Variants in TROAP observed in about 807,000 individuals in gnomAD.
The protein encoded by TROAP is trophinin associated protein.
Under a neutral mutation model 83.4 loss-of-function variants are expected in TROAP, and 62 were observed. The ratio of observed to expected loss-of-function variants is 0.74; its 90% confidence interval spans 0.61 to 0.92. TROAP has a LOEUF of 0.92. Ranked by LOEUF, TROAP falls within the 40% of genes least tolerant of loss-of-function variation. The probability of loss-of-function intolerance (pLI) is 0.00; values close to 1 mark genes in which losing one functional copy is unlikely to be tolerated. For synonymous variants in TROAP, 352 were observed against 386.4 expected, an observed-to-expected ratio of 0.91 and a Z score of 1.04; for missense variants, 876 against 985.1, an observed-to-expected ratio of 0.89 and a Z score of 1.48.
chr12:49,331,255 C>A lies in TROAP; in HGVS notation c.2140C>A (p.Arg714Ser). ...CCCTCGAACCCTAGCCCTGAGGGAG[C>A]GCCTCAAATCGTGTTTAACCGCCAT... ...LAPRTLALRE[R>S]LKSCLTAIHC... The change falls in exon 14 of 15, where the codon CGC becomes AGC. Residue 714 changes from arginine (R) to serine (S), a missense_variant. By Grantham distance (110) the Arg-to-Ser change is moderately radical. Around this residue, in one of 3 missense-constraint regions of TROAP, gnomAD observed 184 missense variants for 238.3 expected, o/e 0.77. Coordinates refer to ENST00000257909, the MANE Select transcript of TROAP (RefSeq NM_005480.4). 5.6e-6 allele frequency: 9 copies of A among 1,614,196 alleles called. No individual in the cohort carries two copies. The highest frequency in any genetic ancestry group is 7.6e-6 in the Non-Finnish European group (9 of 1,180,008).
In TROAP at chr12:49,330,691, C is replaced by T. The variant is rs779070151; in HGVS notation, c.1846C>T (p.Pro616Ser). The change falls in exon 13 of 15, where the codon CCA becomes TCA. Residue 616 changes from proline (P) to serine (S), a missense_variant. Pro to Ser is a moderately conservative substitution (Grantham distance 74). Transcript: ENST00000257909. ...EQLEVPEPCP[P>S]AEPGPLQPST... is the part of the protein sequence containing the mutation. ...GCTTGAGGTACCTGAGCCCTGCCCT[C>T]CAGCAGAACCCGGGCCCCTTCAGCC... is the stretch of plus-strand genomic sequence containing the variant. The T allele has an allele frequency of 1.9e-6, 3 of 1,614,104 alleles. No individual in the cohort carries two copies. Among genetic ancestry groups the T allele is most frequent in the Non-Finnish European group, 2.5e-6 (3 of 1,179,996 alleles).
chr12:49,330,146 G>A lies in TROAP; in HGVS notation c.1301G>A (p.Arg434His), dbSNP rs779624078. ...TPSLQEVKIQ[R>H]IGILQQLLRQ... ...CTGGGGTGCTCTCTCCCACCACAGC[G>A]CATCGGTATCCTGCAACAGCTGTTG... The change falls in exon 13 of 15, where the codon CGC becomes CAC. Residue 434 changes from arginine to histidine, a missense_variant and splice_region_variant. Physicochemically the swap from Arg to His is conservative, Grantham distance 29. Around this residue, in one of 3 missense-constraint regions of TROAP, gnomAD observed 689 missense variants for 722.6 expected, o/e 0.95. Transcript: ENST00000257909. The A allele has an allele frequency of 2.0e-5, 32 of 1,613,288 alleles. No homozygotes were observed. Among genetic ancestry groups the A allele is most frequent in the East Asian group, 4.5e-5 (2 of 44,894 alleles).
intron 7 of TROAP, among the ~76,000 whole-genome samples, 176 bp downstream of exon 7, chr12:49,326,896 T>G (rs1369434169): frequency 6.6e-6 from 1 of 152,176 alleles, no homozygotes; most frequent in Non-Finnish European, 1.5e-5. Flanking sequence ...TTGGCACAGT[T>G]GCACTTTTGT....
chr12:49,331,295 A>AGGCTC lies in TROAP; in HGVS notation c.2182_2186dup (p.Asp731ValfsTer?). ...TTAACCGCCATCCACTGCTTCCACG[A>AGGCTC]GGCTCGTCTGGACGATGAGTGTGCC... On this transcript the variant is annotated frameshift_variant, in exon 14 of 15. Transcript: ENST00000257909. LOFTEE classifies it high-confidence loss of function. 6.2e-7 allele frequency: 1 copy of AGGCTC among 1,614,214 alleles called. No homozygotes were observed. Among genetic ancestry groups the AGGCTC allele is most frequent in the South Asian group, 1.1e-5 (1 of 91,080 alleles).
chr12:49,324,459 T>A, intron 3 of TROAP: 1 of 385,552 alleles, frequency 2.6e-6, no homozygotes, highest in Middle Eastern at 7.3e-4. Context: ...ACTTCTTTTA[T>A]AACATGTATA....
rs768688558 is a variant in TROAP at position 49,323,588 on chromosome 12, C to G, written c.-5-16C>G. ...ATCTTAGATTCTGCCTGCCTTCTTCCCCGTCTCAATTGTAGCCATCATGAC... is the reference window on the plus strand; with the variant it reads ...ATCTTAGATTCTGCCTGCCTTCTTCGCCGTCTCAATTGTAGCCATCATGAC... On this transcript the variant is annotated splice_polypyrimidine_tract_variant and intron_variant, in intron 1 of 14. Coordinates refer to ENST00000257909, the MANE Select transcript of TROAP (RefSeq NM_005480.4). 3.0e-5 allele frequency: 48 copies of G among 1,610,052 alleles called. 3 individuals carry two copies. In the South Asian group the frequency reaches 5.3e-4, roughly 18 times the overall value.
In TROAP at chr12:49,324,000, G is replaced by A. The variant is rs766499108; in HGVS notation, c.300G>A (p.Arg100=). The stretch of plus-strand genomic sequence containing the variant: ...TGGAAGAGCTCAGGCCTAGCCCTAG[G>A]GGTCAAAATGTGGGGCCTGGGCCCC... ...NPLEELRPSP[R]GQNVGPGPPA... is the part of the protein sequence containing the mutation. Residue 100 remains arginine, a synonymous_variant, in exon 3 of 15, where the codon AGG becomes AGA. Coordinates refer to ENST00000257909, the MANE Select transcript of TROAP (RefSeq NM_005480.4). The A allele has an allele frequency of 6.2e-7, 1 of 1,613,946 alleles. No homozygotes were observed. The highest frequency in any genetic ancestry group is 2.2e-5 in the East Asian group (1 of 44,888).
Sources: allele counts gnomAD v4.1 joint callset (sites outside exome capture counted in the v4.1 genomes callset), GRCh38; gene constraint gnomAD v4.1.1; regional missense constraint gnomAD v4.1.1; transcripts MANE v1.5; gene names NCBI Gene and HGNC (gene_info 2026-07-23, HGNC 2026-07-21).